The following KDM1B variants were observed in gnomAD, a reference collection of about 807,000 sequenced individuals.
The protein encoded by KDM1B is lysine-specific histone demethylase 2.
In KDM1B, 63 loss-of-function variants were observed where a neutral mutation model predicts 107.4. That is an observed-to-expected ratio of 0.59 (90% CI 0.48 to 0.72). The LOEUF (loss-of-function observed/expected upper bound fraction) is 0.72, where lower values mean the gene tolerates loss of function less well. Ranked by LOEUF, KDM1B falls within the 30% of genes least tolerant of loss-of-function variation. The pLI, the probability that KDM1B is intolerant of heterozygous loss-of-function variation, is 0.00. For missense variants in KDM1B, 749 were observed against 1,020.8 expected, an observed-to-expected ratio of 0.73 and a Z score of 3.63; for synonymous variants, 363 against 363.9, an observed-to-expected ratio of 1.00 and a Z score of 0.03.
intron 9 of KDM1B, among the ~76,000 whole-genome samples, chr6:18,190,281 C>T (rs1787185155): frequency 6.6e-6 from 1 of 151,708 alleles, no homozygotes; most frequent in South Asian, 2.1e-4. Flanking sequence ...CTTAACACTA[C>T]TGAACTGTAC....
rs1789874688 is a variant in KDM1B, at chr6:18,222,945, T to C, written c.*953T>C. 6.6e-6 allele frequency: 1 copy of C among 152,618 alleles called. No individual in the cohort carries two copies. The highest frequency in any genetic ancestry group is 2.4e-5 in the African/African-American group (1 of 41,444). The allele number at this position is 152,618 out of a possible 1,614,324, so 9.5% of individuals were successfully genotyped here. ...GGTCCACTGGAAAACTGCAGAAAAATGTGAGCTCTCCTGGTAAATAGTATA... is the reference window on the plus strand; with the variant it reads ...GGTCCACTGGAAAACTGCAGAAAAACGTGAGCTCTCCTGGTAAATAGTATA... On this transcript the variant is annotated 3_prime_UTR_variant, in exon 22 of 22. Coordinates refer to ENST00000650836, the MANE Select transcript of KDM1B (RefSeq NM_001364614.2).
At chr6:18,196,941 T>G in intron 10 of KDM1B, 116 bp from the exon 11 acceptor site, 4 of 987,188 alleles carry the variant, frequency 4.1e-6, no homozygotes, top group Admixed American at 2.3e-5. Context: ...CATCTGCCTT[T>G]GAGAAATGTT....
intron 10 of KDM1B, among the ~76,000 whole-genome samples, 177 bp from the exon 11 acceptor site, chr6:18,196,880 A>G (rs1787684009): frequency 6.6e-6 from 1 of 152,262 alleles, no homozygotes; most frequent in Non-Finnish European, 1.5e-5. Flanking sequence ...GGATTCTAGA[A>G]CCAATCTCCT....
At chr6:18,180,084 G>A (rs1406485895) in intron 7 of KDM1B, among the ~76,000 whole-genome samples, 1 of 150,374 alleles carries the variant, frequency 6.7e-6, no homozygotes, top group Non-Finnish European at 1.5e-5. Context: ...GTCTTGCCCA[G>A]GGTGAGGCCC....
Position 18,172,501 on chromosome 6 carries a change from G to T in KDM1B, c.534+1022G>T, listed in dbSNP as rs1430193774. Among the ~76,000 whole-genome samples the T allele has an allele frequency of 6.6e-6, 1 of 152,104 alleles. No individual in the cohort carries two copies. Among genetic ancestry groups the T allele is most frequent in the Non-Finnish European group, 1.5e-5 (1 of 68,014 alleles). ...TTGAGCTCTGAGATGATGCTCAGAGGTTCTGCTCAAAGGAAATGTTCACTG... is the reference window on the plus strand; with the variant it reads ...TTGAGCTCTGAGATGATGCTCAGAGTTTCTGCTCAAAGGAAATGTTCACTG... On this transcript the variant is annotated intron_variant, in intron 7 of 21. Coordinates refer to ENST00000650836, the MANE Select transcript of KDM1B (RefSeq NM_001364614.2). The surrounding 1 kb of genome is among the most constrained non-coding windows in gnomAD (Gnocchi z 5.2).
rs183407573 is a variant in KDM1B at position 18,218,958 on chromosome 6, A to G, written c.2385+1073A>G. ...CTCTTTGTTGCCCATGCTGGAGTGCAGTGGCACGATCTCAGCTCACTGCAA... is the reference window on the plus strand; with the variant it reads ...CTCTTTGTTGCCCATGCTGGAGTGCGGTGGCACGATCTCAGCTCACTGCAA... On this transcript the variant is annotated intron_variant, in intron 21 of 21. Transcript: ENST00000650836. Among the ~76,000 whole-genome samples, 615 of 152,190 alleles carry G rather than the reference A, an allele frequency of 4.0e-3. 5 individuals are homozygous for G. Among genetic ancestry groups the G allele is most frequent in the African/African-American group, 0.014 (595 of 41,524 alleles).
At chr6:18,181,798 A>G (rs1166364767) in intron 7 of KDM1B, among the ~76,000 whole-genome samples, 1 of 152,196 alleles carries the variant, frequency 6.6e-6, no homozygotes, top group East Asian at 1.9e-4. Context: ...AATAAAAAAA[A>G]CAAACTTCAT....
Position 18,214,998 on chromosome 6 carries a change from T to C in KDM1B, c.2110-9T>C, listed in dbSNP as rs1002732148. 10 of 1,613,346 alleles carry C rather than the reference T, an allele frequency of 6.2e-6. No homozygotes were observed. The highest frequency in any genetic ancestry group is 8.5e-6 in the Non-Finnish European group (10 of 1,179,700). On this transcript the variant is annotated splice_polypyrimidine_tract_variant and intron_variant, in intron 19 of 21. Transcript: ENST00000650836. This position sits in a 1 kb window ranked among gnomAD's most constrained non-coding sequence, Gnocchi z 4.4. Reference sequence around the variant, plus strand: ...CACAGACCTCCTGCTTTTCCTTTCATGTCTCCAGAAGAAGCACAGCGTGCT... The same window carrying C: ...CACAGACCTCCTGCTTTTCCTTTCACGTCTCCAGAAGAAGCACAGCGTGCT...
chr6:18,156,083 C>G (rs1409853571), intron 2 of KDM1B, among the ~76,000 whole-genome samples, 157 bp downstream of exon 2: 1 of 152,182 alleles, frequency 6.6e-6, no homozygotes, highest in Non-Finnish European at 1.5e-5. Context: ...GGAACTCCCT[C>G]GCTTGTTCTT....
chr6:18,196,932 AT>A, intron 10 of KDM1B, 124 bp from the exon 11 acceptor site: 1 of 908,346 alleles, frequency 1.1e-6, no homozygotes, highest in East Asian at 2.5e-5. Context: ...CCATTTGAGC[AT>A]CTGCCTTTGA....
chr6:18,163,216 C>A (rs1785081260), intron 5 of KDM1B, among the ~76,000 whole-genome samples: 1 of 151,050 alleles, frequency 6.6e-6, no homozygotes, highest in Non-Finnish European at 1.5e-5. Flanking sequence ...CAGCTTACTG[C>A]AACCTCCAAC....
intron 7 of KDM1B, among the ~76,000 whole-genome samples, chr6:18,181,449 G>A (rs999056084): frequency 2.0e-5 from 3 of 152,128 alleles, no homozygotes; most frequent in African/African-American, 7.2e-5. Context: ...CTCTCTAAAA[G>A]GTTAAGAAAA....
In KDM1B at chr6:18,213,367, T is replaced by C. The variant is rs1393965281; in HGVS notation, c.1984-289T>C. Among the ~76,000 whole-genome samples the C allele has an allele frequency of 6.7e-6, 1 of 148,680 alleles. No homozygotes were observed. The highest frequency in any genetic ancestry group is 6.8e-5 in the Admixed American group (1 of 14,676). ...AGGAGAATCACTCGAAACCGGAAAGTGGAGGCTGCAGTGAGCCAAGATCGC... is the reference window on the plus strand; with the variant it reads ...AGGAGAATCACTCGAAACCGGAAAGCGGAGGCTGCAGTGAGCCAAGATCGC... On this transcript the variant is annotated intron_variant, in intron 18 of 21. Transcript: ENST00000650836. The surrounding 1 kb of genome is among the most constrained non-coding windows in gnomAD (Gnocchi z 5.9).
rs1403169051 is a variant in KDM1B, at chr6:18,200,589, T to G, written c.1359+13T>G. On this transcript the variant is annotated intron_variant, in intron 13 of 21. Transcript: ENST00000650836. This position sits in a 1 kb window ranked among gnomAD's most constrained non-coding sequence, Gnocchi z 4.3. ...AATGTGTGAACAAGTGAGTTTCTTT[T>G]AGCTTTGTGTTGTAGATAAAGGAAA... is the stretch of plus-strand genomic sequence containing the variant. 6.2e-7 allele frequency: 1 copy of G among 1,606,586 alleles called. No homozygotes were observed. Among genetic ancestry groups the G allele is most frequent in the Non-Finnish European group, 8.5e-7 (1 of 1,177,258 alleles).
chr6:18,156,778 G>T (rs533542742), intron 2 of KDM1B, among the ~76,000 whole-genome samples: 1 of 152,156 alleles, frequency 6.6e-6, no homozygotes, highest in Admixed American at 6.5e-5. Flanking sequence ...TTAGCCGGAC[G>T]TGGTGGCACA....
At chr6:18,196,591 A>G (rs1441279963) in intron 10 of KDM1B, among the ~76,000 whole-genome samples, 2 of 152,114 alleles carry the variant, frequency 1.3e-5, no homozygotes, top group Non-Finnish European at 2.9e-5. Flanking sequence ...TTTTTCATAT[A>G]TACTTGGACT....
At chr6:18,217,980 T>G in intron 21 of KDM1B, 95 bp downstream of exon 21, 1 of 1,335,976 alleles carries the variant, frequency 7.5e-7, no homozygotes, top group Non-Finnish European at 1.0e-6. Context: ...CCAATTCAAA[T>G]ACTGTCAAAA....
intron 21 of KDM1B, among the ~76,000 whole-genome samples, chr6:18,220,015 C>G (rs1475771148): frequency 6.6e-6 from 1 of 152,156 alleles, no homozygotes; most frequent in Non-Finnish European, 1.5e-5. Context: ...AGTCTTTAAG[C>G]CAATCCTGTT....
chr6:18,208,042 G>A, intron 16 of KDM1B, 90 bp from the exon 17 acceptor site: 1 of 917,840 alleles, frequency 1.1e-6, no homozygotes, highest in Non-Finnish European at 1.8e-6. Flanking sequence ...TAGCCTTGGA[G>A]ATGTAAATTC....
Sources: gnomAD v4.1 joint callset for allele counts (sites outside exome capture counted in the v4.1 genomes callset) on GRCh38, gnomAD v4.1.1 for gene constraint, Gnocchi (gnomAD v3.1) non-coding constraint, MANE v1.5 for transcripts, NCBI Gene and HGNC (gene_info 2026-07-23, HGNC 2026-07-21) for gene names.